The following GPR158 variants were observed in gnomAD, a reference collection of about 807,000 sequenced individuals.
The protein encoded by GPR158 is G protein-coupled receptor 158.
In GPR158, 30 loss-of-function variants were observed where a neutral mutation model predicts 78.2. That is an observed-to-expected ratio of 0.38 (90% confidence interval 0.29 to 0.52). The LOEUF is 0.52. Among genes scored for constraint, GPR158 ranks in the 20% least tolerant of loss-of-function variants. GPR158 has a pLI of 0.83. For missense variants in GPR158, 1,463 were observed against 1,523.5 expected (o/e 0.96, Z 0.66); for synonymous variants, 581 against 591.1 (o/e 0.98, Z 0.25).
rs183244269 is a variant in GPR158, at chr10:25,424,910, A to T, written c.1335+12437A>T. 3.3e-5 allele frequency among the ~76,000 whole-genome samples: 5 copies of T among 152,214 alleles called. No homozygotes were observed. The East Asian group carries it at 9.7e-4, about 29-fold the overall frequency. ...ATGAAATTTAAAGTAGTTTTTTCCAATTCTGTGAAGAAAGTCTTTGGTAGC... is the reference window on the plus strand; with the variant it reads ...ATGAAATTTAAAGTAGTTTTTTCCATTTCTGTGAAGAAAGTCTTTGGTAGC... On this transcript the variant is annotated intron_variant, in intron 4 of 10. Transcript: ENST00000376351.
chr10:25,485,000 C>A (rs16925944), intron 5 of GPR158, among the ~76,000 whole-genome samples: 1 of 151,630 alleles, frequency 6.6e-6, no homozygotes, highest in Non-Finnish European at 1.5e-5. Context: ...TATTAGCAGA[C>A]GACTAATACT....
chr10:25,285,288 T>C (rs115288435), intron 2 of GPR158, among the ~76,000 whole-genome samples: 1,821 of 152,154 alleles, frequency 0.012, 26 homozygotes, highest in South Asian at 0.057. Flanking sequence ...CACGTATGCA[T>C]TGATATGTAT....
At chr10:25,480,944 G>C (rs111833120) in intron 5 of GPR158, among the ~76,000 whole-genome samples, 4,603 of 152,250 alleles carry the variant, frequency 0.03, 118 homozygotes, top group African/African-American at 0.068. Flanking sequence ...CGTGGCTCTT[G>C]TCTGAGTTTA....
intron 6 of GPR158, among the ~76,000 whole-genome samples, chr10:25,560,297 G>T (rs1029865483): frequency 6.6e-6 from 1 of 151,996 alleles, no homozygotes; most frequent in African/African-American, 2.4e-5. Flanking sequence ...ACGGAGTCTC[G>T]CTCTGTCACC....
intron 5 of GPR158, among the ~76,000 whole-genome samples, chr10:25,476,384 G>GTTTTT (rs56271781): frequency 1.4e-5 from 2 of 144,434 alleles, no homozygotes; most frequent in Non-Finnish European, 1.5e-5. Context: ...TTTAATAAGG[G>GTTTTT]TTTTTTTTTT....
chr10:25,416,685 A>C (rs182325722), intron 4 of GPR158, among the ~76,000 whole-genome samples: 12 of 152,294 alleles, frequency 7.9e-5, no homozygotes, highest in Non-Finnish European at 1.6e-4. Flanking sequence ...TTAATTTAGC[A>C]AGTTGAAAAA....
intron 4 of GPR158, among the ~76,000 whole-genome samples, chr10:25,462,099 A>G (rs1264937077): frequency 6.6e-6 from 1 of 152,154 alleles, no homozygotes; most frequent in Non-Finnish European, 1.5e-5. Flanking sequence ...CAAAGGAAAG[A>G]TTGACCTTTT....
At chr10:25,289,906 A>G (rs1036514056) in intron 2 of GPR158, among the ~76,000 whole-genome samples, 1 of 152,236 alleles carries the variant, frequency 6.6e-6, no homozygotes, top group Non-Finnish European at 1.5e-5. Context: ...ATTCACTAAT[A>G]AGATACGGAG....
chr10:25,236,164 A>G (rs751418661), intron 2 of GPR158, among the ~76,000 whole-genome samples: 5 of 152,164 alleles, frequency 3.3e-5, no homozygotes, highest in African/African-American at 7.2e-5. Context: ...TGCCATAACC[A>G]TGTTTATAAT....
chr10:25,212,973 AT>A (rs936680197), intron 1 of GPR158, among the ~76,000 whole-genome samples: 1 of 151,552 alleles, frequency 6.6e-6, no homozygotes, highest in Non-Finnish European at 1.5e-5. Context: ...TTTAGTTATA[AT>A]TTTTTTTACT....
intron 2 of GPR158, among the ~76,000 whole-genome samples, chr10:25,306,033 A>G (rs1020098894): frequency 6.6e-6 from 1 of 152,072 alleles, no homozygotes; most frequent in Non-Finnish European, 1.5e-5. Context: ...TACTCCCGTT[A>G]TTATCACACT....
intron 4 of GPR158, among the ~76,000 whole-genome samples, chr10:25,432,563 A>T (rs1834926837): frequency 6.6e-6 from 1 of 152,222 alleles, no homozygotes; most frequent in South Asian, 2.1e-4. Context: ...TCATGCATTG[A>T]CATATGTAAC....
At chr10:25,428,020 A>G (rs1834847546) in intron 4 of GPR158, among the ~76,000 whole-genome samples, 1 of 152,022 alleles carries the variant, frequency 6.6e-6, no homozygotes, top group African/African-American at 2.4e-5. Context: ...CATACCTCTT[A>G]CTAAAAGATG....
chr10:25,241,193 T>TTCTTTC (rs1554787152), intron 2 of GPR158, among the ~76,000 whole-genome samples: 5 of 101,660 alleles, frequency 4.9e-5, no homozygotes, highest in African/African-American at 2.8e-4. Flanking sequence ...TTCTTTCCTT[T>TTCTTTC]CTTTCTTTCC....
intron 5 of GPR158, among the ~76,000 whole-genome samples, chr10:25,486,578 G>A (rs1455800612): frequency 6.6e-6 from 1 of 152,076 alleles, no homozygotes; most frequent in African/African-American, 2.4e-5. Flanking sequence ...GCATCACCCA[G>A]GATTGCTAAA....
intron 6 of GPR158, among the ~76,000 whole-genome samples, chr10:25,556,785 A>C (rs1836792045): frequency 1.3e-5 from 2 of 152,224 alleles, no homozygotes; most frequent in African/African-American, 2.4e-5. Context: ...CAGATATACC[A>C]GTAGAACAGC....
chr10:25,468,245 C>T (rs1003020889), intron 5 of GPR158, among the ~76,000 whole-genome samples: 11 of 152,092 alleles, frequency 7.2e-5, no homozygotes, highest in Non-Finnish European at 1.2e-4. Context: ...CATGCAACTT[C>T]TGGGGTGCGA....
chr10:25,540,834 C>G (rs1412404256), intron 5 of GPR158, among the ~76,000 whole-genome samples: 2 of 151,474 alleles, frequency 1.3e-5, no homozygotes, highest in African/African-American at 4.9e-5. Context: ...AGAGATATAC[C>G]TAATATAAAT....
chr10:25,178,553 C>T (rs928319762), intron 1 of GPR158, among the ~76,000 whole-genome samples: 1 of 152,202 alleles, frequency 6.6e-6, no homozygotes, highest in African/African-American at 2.4e-5. Context: ...TGTTTTTTCA[C>T]TCTGTTTAGA....
Sources: gnomAD v4.1 joint callset for allele counts (sites outside exome capture counted in the v4.1 genomes callset) on GRCh38, gnomAD v4.1.1 for gene constraint, MANE v1.5 for transcripts, NCBI Gene and HGNC (gene_info 2026-07-23, HGNC 2026-07-21) for gene names.